Variants in TRHDE observed in about 807,000 individuals in gnomAD.
TRHDE encodes the protein thyrotropin releasing hormone degrading enzyme.
In TRHDE, 72 loss-of-function variants were observed where a neutral mutation model predicts 125.7. That is an observed-to-expected ratio of 0.57 (90% CI 0.47 to 0.70). TRHDE has a LOEUF of 0.70. Among genes scored for constraint, TRHDE ranks in the 30% least tolerant of loss-of-function variants. The pLI is 0.00. For missense variants in TRHDE, 1,110 were observed against 1,327.1 expected, an observed-to-expected ratio of 0.84 and a Z score of 2.54; for synonymous variants, 509 against 509.1, an observed-to-expected ratio of 1.00 and a Z score of 0.00.
chr12:72,412,030 A>G (rs1873532738), intron 3 of TRHDE, among the ~76,000 whole-genome samples: 1 of 152,210 alleles, frequency 6.6e-6, no homozygotes, highest in South Asian at 2.1e-4. Flanking sequence ...GGTCTAGAAG[A>G]TAATATAAGA....
chr12:72,250,178 T>C (rs1878650092), intron 2 of TRHDE, among the ~76,000 whole-genome samples: 1 of 152,150 alleles, frequency 6.6e-6, no homozygotes, highest in Admixed American at 6.5e-5. Context: ...CTTTTTAGGG[T>C]GATGGAAATG....
chr12:72,267,591 A>G (rs1285462355), upstream of TRHDE, among the ~76,000 whole-genome samples: 2 of 152,044 alleles, frequency 1.3e-5, no homozygotes, highest in Non-Finnish European at 1.5e-5. Flanking sequence ...GGCTGCAATG[A>G]GCTCTTATCA....
rs532486279 is a variant in TRHDE, at chr12:72,606,152, C to T, written c.2322-12739C>T. 6.6e-5 allele frequency among the ~76,000 whole-genome samples: 10 copies of T among 152,232 alleles called. No individual in the cohort carries two copies. The South Asian group carries it at 1.2e-3, about 19-fold the overall frequency. On this transcript the variant is annotated intron_variant, in intron 12 of 18. Transcript: ENST00000261180. ...TGACTTTGGAGGGTTGTGATACTCA[C>T]GAATTTATGGGGCACTTGTATGTGG...
intron 15 of TRHDE, among the ~76,000 whole-genome samples, chr12:72,635,322 G>T (rs1261032515): frequency 1.3e-5 from 2 of 152,122 alleles, no homozygotes; most frequent in Admixed American, 6.6e-5. Context: ...GTCTGTTCAT[G>T]TCCTTTGCCT....
intron 2 of TRHDE, among the ~76,000 whole-genome samples, chr12:72,198,932 G>GGAGAGA (rs111453106): frequency 8.1e-5 from 12 of 147,256 alleles, no homozygotes; most frequent in African/African-American, 2.2e-4. Flanking sequence ...TGGTGAAGCA[G>GGAGAGA]GAGAGAGAGA....
intron 3 of TRHDE, among the ~76,000 whole-genome samples, chr12:72,410,859 A>C (rs1873465240): frequency 2.0e-5 from 3 of 151,736 alleles, no homozygotes; most frequent in Admixed American, 2.0e-4. Flanking sequence ...GACCCAAATA[A>C]GATAAGCAGA....
intron 2 of TRHDE, among the ~76,000 whole-genome samples, chr12:72,265,385 C>T (rs928722949): frequency 6.6e-6 from 1 of 151,722 alleles, no homozygotes; most frequent in Non-Finnish European, 1.5e-5. Flanking sequence ...CTCAGAAAAA[C>T]ATGTACAGAG....
At chr12:72,499,400 A>G (rs568306503) in intron 5 of TRHDE, 98 bp from the exon 6 acceptor site, 24 of 1,428,734 alleles carry the variant, frequency 1.7e-5, no homozygotes, top group Non-Finnish European at 2.2e-5. Context: ...AGACTGATGA[A>G]CATCAGCAAT....
At chr12:72,293,531 T>C (rs1880170234) in intron 2 of TRHDE, among the ~76,000 whole-genome samples, 1 of 152,158 alleles carries the variant, frequency 6.6e-6, no homozygotes, top group South Asian at 2.1e-4. Context: ...CTCTCATCTT[T>C]GGTTCATATG....
chr12:72,447,990 A>T (rs985519853), intron 3 of TRHDE, among the ~76,000 whole-genome samples: 1 of 152,100 alleles, frequency 6.6e-6, no homozygotes, highest in Non-Finnish European at 1.5e-5. Flanking sequence ...TAAAGAAAAA[A>T]GTAGCTGATT....
chr12:72,316,452 C>T (rs143626412), intron 2 of TRHDE, among the ~76,000 whole-genome samples: 62 of 152,246 alleles, frequency 4.1e-4, no homozygotes, highest in African/African-American at 1.4e-3. Context: ...CGACTTTTTA[C>T]AAGACGAAAA....
At chr12:72,225,716 C>T (rs1265614297) in intron 2 of TRHDE, among the ~76,000 whole-genome samples, 1 of 152,040 alleles carries the variant, frequency 6.6e-6, no homozygotes, top group African/African-American at 2.4e-5. Flanking sequence ...TATTGTATTC[C>T]TAAAGAAACC....
chr12:72,087,849 G>A (rs1874703533), intron 1 of TRHDE, among the ~76,000 whole-genome samples: 1 of 152,088 alleles, frequency 6.6e-6, no homozygotes, highest in African/African-American at 2.4e-5. Context: ...CTGGGCCGTT[G>A]TGTGATTCCT....
intron 3 of TRHDE, among the ~76,000 whole-genome samples, chr12:72,379,647 A>G (rs917743668): frequency 2.6e-5 from 4 of 152,346 alleles, no homozygotes; most frequent in Admixed American, 2.6e-4. Flanking sequence ...AACTCAATGT[A>G]TAACTTCAGG....
At chr12:72,434,045 C>T (rs1436144002) in intron 3 of TRHDE, among the ~76,000 whole-genome samples, 3 of 151,994 alleles carry the variant, frequency 2.0e-5, no homozygotes, top group African/African-American at 7.2e-5. Flanking sequence ...GACTGAAGTG[C>T]CACAGACAAT....
At chr12:72,349,555 C>CGG (rs199899733) in intron 2 of TRHDE, among the ~76,000 whole-genome samples, 2 of 151,192 alleles carry the variant, frequency 1.3e-5, no homozygotes, top group African/African-American at 4.9e-5. Context: ...TTTTTTTGGG[C>CGG]GGGGGGGTGG....
intron 2 of TRHDE, among the ~76,000 whole-genome samples, chr12:72,231,081 A>G (rs1878237336): frequency 6.6e-6 from 1 of 152,194 alleles, no homozygotes; most frequent in African/African-American, 2.4e-5. Context: ...ATTAATTCAC[A>G]TACTAGGCAG....
intron 1 of TRHDE, among the ~76,000 whole-genome samples, chr12:72,096,185 T>A (rs1874917582): frequency 1.4e-5 from 2 of 145,596 alleles, no homozygotes; most frequent in Admixed American, 1.4e-4. Context: ...TTGGTTGTAT[T>A]TCTCTGGAGC....
chr12:72,597,692 TA>T (rs1872006361), intron 12 of TRHDE, among the ~76,000 whole-genome samples: 1 of 68,132 alleles, frequency 1.5e-5, no homozygotes, highest in Admixed American at 1.4e-4. Flanking sequence ...CTAAGAGAGG[TA>T]TATATATGTG....
Sources: allele counts gnomAD v4.1 joint callset (sites outside exome capture counted in the v4.1 genomes callset), GRCh38; gene constraint gnomAD v4.1.1; transcripts MANE v1.5; gene names NCBI Gene and HGNC (gene_info 2026-07-23, HGNC 2026-07-21).